The following PAK1 variants were observed in gnomAD, a reference collection of about 807,000 sequenced individuals.
The protein encoded by PAK1 is p21 (RAC1) activated kinase 1.
In PAK1, 29 loss-of-function variants were observed where a neutral mutation model predicts 67.4. That is an observed-to-expected ratio of 0.43 (90% confidence interval 0.32 to 0.59). The LOEUF is 0.59. PAK1 is among the 20% of genes least tolerant of loss of function. PAK1 has a pLI of 0.07. For synonymous variants in PAK1, 223 were observed against 237.4 expected (o/e 0.94, Z 0.56); for missense variants, 337 against 670.7 (o/e 0.50, Z 5.50).
intron 13 of PAK1, among the ~76,000 whole-genome samples, chr11:77,333,336 T>A (rs1942071578): frequency 6.6e-6 from 1 of 151,944 alleles, no homozygotes; most frequent in Non-Finnish European, 1.5e-5. Context: ...TAGCTGGGAT[T>A]ACAGGCACCA....
rs1949510427 is a variant in PAK1, at chr11:77,379,238, T to C, written c.439+3A>G. 3 of 1,610,172 alleles carry C rather than the reference T, an allele frequency of 1.9e-6. No individual in the cohort carries two copies. The highest frequency in any genetic ancestry group is 1.7e-6 in the Non-Finnish European group (2 of 1,177,850). On this transcript the variant is annotated splice_donor_region_variant and intron_variant, in intron 4 of 14. Coordinates refer to ENST00000356341, the MANE Select transcript of PAK1 (RefSeq NM_002576.5). ...GAGACTGCCCTGGACGCAGTTCTCA[T>C]ACCTGTAAAGCTCATGTATTTCTGG...
chr11:77,396,082 G>A (rs1004380839), intron 1 of PAK1, among the ~76,000 whole-genome samples: 10 of 152,118 alleles, frequency 6.6e-5, no homozygotes, highest in Non-Finnish European at 1.0e-4. Context: ...CACAGCCCAC[G>A]ATTATGCCAA....
intron 1 of PAK1, among the ~76,000 whole-genome samples, chr11:77,404,714 G>A (rs975832799): frequency 6.6e-6 from 1 of 152,082 alleles, no homozygotes; most frequent in African/African-American, 2.4e-5. Flanking sequence ...CCTCTCATCC[G>A]AAGCCAATTC....
At chr11:77,519,840 C>T in the PAK1 span, among the ~76,000 whole-genome samples, 507 of 152,222 alleles carry the variant, frequency 3.3e-3, 2 homozygotes, top group African/African-American at 0.011. Flanking sequence ...CATGGACACA[C>T]TGAAGGGTAA....
chr11:77,429,806 G>T (rs1249312969), intron 1 of PAK1, among the ~76,000 whole-genome samples: 1 of 152,156 alleles, frequency 6.6e-6, no homozygotes, highest in African/African-American at 2.4e-5. Flanking sequence ...TGGGTATGAG[G>T]ATTAGATAAT....
chr11:77,437,524 C>T (rs1016374378), intron 1 of PAK1, among the ~76,000 whole-genome samples: 1 of 152,126 alleles, frequency 6.6e-6, no homozygotes, highest in East Asian at 1.9e-4. Context: ...TGGTTCTCAA[C>T]AAAAGTTGAT....
intron 1 of PAK1, among the ~76,000 whole-genome samples, chr11:77,472,871 C>G (rs1432310568): frequency 6.6e-6 from 1 of 152,178 alleles, no homozygotes; most frequent in East Asian, 1.9e-4. Context: ...CACTACTTCT[C>G]AAGTATTCTT....
chr11:77,347,520 T>C (rs1944617040), intron 9 of PAK1, among the ~76,000 whole-genome samples: 1 of 152,242 alleles, frequency 6.6e-6, no homozygotes, highest in Non-Finnish European at 1.5e-5. Flanking sequence ...TAGCCTTCTT[T>C]ATTTTAATCT....
At chr11:77,446,511 C>CAAAAAA (rs56952838) in intron 1 of PAK1, among the ~76,000 whole-genome samples, 41 of 60,560 alleles carry the variant, frequency 6.8e-4, no homozygotes, top group African/African-American at 1.5e-3. Flanking sequence ...GACCCTGTCT[C>CAAAAAA]AAAAAAAAAA....
intron 1 of PAK1, among the ~76,000 whole-genome samples, chr11:77,401,265 C>T (rs989033875): frequency 2.6e-5 from 4 of 152,092 alleles, no homozygotes; most frequent in African/African-American, 9.7e-5. Context: ...ATGCTGCAGT[C>T]TTGAATTTGC....
intron 1 of PAK1, among the ~76,000 whole-genome samples, chr11:77,441,676 T>C (rs1565705599): frequency 6.6e-6 from 1 of 152,192 alleles, no homozygotes; most frequent in Non-Finnish European, 1.5e-5. Flanking sequence ...ACATGGTCAG[T>C]TAGTGGCAAA....
chr11:77,442,294 T>C (rs549495263), intron 1 of PAK1, among the ~76,000 whole-genome samples: 47 of 152,334 alleles, frequency 3.1e-4, no homozygotes, highest in Middle Eastern at 3.4e-3. Flanking sequence ...GGTTGGTCTA[T>C]GTGACTGAAA....
intron 1 of PAK1, among the ~76,000 whole-genome samples, chr11:77,406,481 G>A (rs112364904): frequency 0.032 from 4,892 of 152,248 alleles, 131 homozygotes; most frequent in African/African-American, 0.074. Context: ...GACTTGGCAA[G>A]AGTAAGCACT....
At chr11:77,344,499 A>G (rs1944105981) in intron 9 of PAK1, among the ~76,000 whole-genome samples, 1 of 152,238 alleles carries the variant, frequency 6.6e-6, no homozygotes, top group South Asian at 2.1e-4. Flanking sequence ...ACAAATTTCC[A>G]GACAACATGA....
chr11:77,448,354 T>G (rs1219787386), intron 1 of PAK1, among the ~76,000 whole-genome samples: 1 of 152,208 alleles, frequency 6.6e-6, no homozygotes, highest in East Asian at 1.9e-4. Flanking sequence ...TTTCTAACCT[T>G]GGAAGGGTTG....
the PAK1 span, among the ~76,000 whole-genome samples, chr11:77,511,635 T>C: frequency 6.6e-6 from 1 of 152,206 alleles, no homozygotes; most frequent in Non-Finnish European, 1.5e-5. Flanking sequence ...ATTTTTTAAC[T>C]TTTAAAAACT....
At chr11:77,415,059 G>A (rs977608840) in intron 1 of PAK1, among the ~76,000 whole-genome samples, 15 of 152,074 alleles carry the variant, frequency 9.9e-5, no homozygotes, top group African/African-American at 3.6e-4. Context: ...AAAAACAACT[G>A]TGCAAAAGAT....
chr11:77,423,402 TACACACACACACACACACACACACAC>T (rs5792767), intron 1 of PAK1, among the ~76,000 whole-genome samples: 7 of 136,956 alleles, frequency 5.1e-5, no homozygotes, highest in African/African-American at 1.6e-4. Context: ...TGCTTTCAAA[TACACACACACACACACACACACACAC>T]ACACACACAC....
chr11:77,478,920 CAA>C (rs1217145882), upstream of PAK1, among the ~76,000 whole-genome samples: 269 of 106,512 alleles, frequency 2.5e-3, no homozygotes, highest in African/African-American at 9.0e-3. Context: ...ACTAAAAATA[CAA>C]AAAAAAAAAA....
Sources: gnomAD v4.1 joint callset for allele counts (sites outside exome capture counted in the v4.1 genomes callset) on GRCh38, gnomAD v4.1.1 for gene constraint, MANE v1.5 for transcripts, NCBI Gene and HGNC (gene_info 2026-07-23, HGNC 2026-07-21) for gene names.